Variants in MAP3K12 observed in about 807,000 individuals in gnomAD.
The protein encoded by MAP3K12 is mitogen-activated protein kinase kinase kinase 12.
A neutral mutation model predicts 87.5 loss-of-function variants in MAP3K12; 14 were observed. The observed-to-expected ratio is 0.16, with a 90% CI of 0.11 to 0.25. The LOEUF is 0.25. MAP3K12 is among the 10% of genes least tolerant of loss of function. The pLI is 1.00. For missense variants in MAP3K12, 802 were observed against 1,140.4 expected (o/e 0.70, Z 4.27); for synonymous variants, 469 against 452.5 (o/e 1.04, Z -0.46).
At chr12:53,485,667 T>C (rs879370420) in intron 4 of MAP3K12, 192 bp from the exon 5 acceptor site, 17 of 619,366 alleles carry the variant, frequency 2.7e-5, no homozygotes, top group Non-Finnish European at 4.2e-5. Context: ...GTGATTCTCC[T>C]GCCTCAGCCT....
chr12:53,483,838 G>C, intron 8 of MAP3K12, 73 bp downstream of exon 8: 1 of 1,610,506 alleles, frequency 6.2e-7, no homozygotes. Flanking sequence ...CCCGCCCTGG[G>C]GCTGGGTAGG....
intron 6 of MAP3K12, chr12:53,484,767 TTGG>T (rs1452798093): frequency 2.0e-6 from 1 of 493,372 alleles, no homozygotes; most frequent in Non-Finnish European, 3.6e-6. Flanking sequence ...CCAACCATGC[TTGG>T]TGGTTATGCT....
At chr12:53,489,048 C>T (rs1592716473) in intron 1 of MAP3K12, among the ~76,000 whole-genome samples, 1 of 144,048 alleles carries the variant, frequency 6.9e-6, no homozygotes, top group East Asian at 2.0e-4. Context: ...CACTGCACTC[C>T]AGCCTTGGGC....
chr12:53,494,539 GTAAACTCTC>G (rs1338449114), intron 1 of MAP3K12, among the ~76,000 whole-genome samples: 6 of 152,162 alleles, frequency 3.9e-5, no homozygotes, highest in Admixed American at 6.5e-5. Flanking sequence ...CCTGTGGCAG[GTAAACTCTC>G]TGAATTCTCT....
intron 12 of MAP3K12, 37 bp from the exon 13 acceptor site, chr12:53,482,248 C>G: frequency 4.3e-6 from 7 of 1,614,186 alleles, no homozygotes; most frequent in Non-Finnish European, 5.9e-6. Flanking sequence ...CTTGGTTCTG[C>G]CCCTAGCAGA....
chr12:53,482,717 C>A lies in MAP3K12; in HGVS notation c.2086G>T (p.Gly696Trp). The change falls in exon 11 of 14, where the codon GGG becomes TGG. Residue 696 changes from glycine (G) to tryptophan (W), a missense_variant. By Grantham distance (184) the Gly-to-Trp change is radical. Transcript: ENST00000547488. ...TSPDSPGGAKGEPPPPVGPGE... is the reference protein window; with the variant it reads ...TSPDSPGGAKWEPPPPVGPGE... ...GGCCCTACTGGAGGAGGTGGTTCCC[C>A]TTTGGCTCCCCCAGGTGAATCTGGG... 2 of 1,614,062 alleles carry A rather than the reference C, an allele frequency of 1.2e-6. No individual in the cohort carries two copies. The highest frequency in any genetic ancestry group is 1.7e-6 in the Non-Finnish European group (2 of 1,180,016).
rs1246458062 is a variant in MAP3K12, at chr12:53,482,778, G to C, written c.2025C>G (p.Thr675=). Residue 675 remains threonine (T), a synonymous_variant, in exon 11 of 14, where the codon ACC becomes ACG. Transcript: ENST00000547488. ...CAGGGGCTGAGCCCTCACTTGGTGG[G>C]GTGTCACCCCGGGCCGGAGGTGGTG... The part of the protein sequence containing the change: ...PGSPPPARGD[T]PPSEGSAPGS... 8.7e-6 allele frequency: 14 copies of C among 1,613,304 alleles called. No homozygotes were observed. The highest frequency in any genetic ancestry group is 1.3e-5 in the African/African-American group (1 of 74,930).
At position 53,486,127 on chromosome 12, in the gene MAP3K12, G is replaced by A; in HGVS notation, c.750C>T (p.Ser250=). The A allele has an allele frequency of 6.2e-7, 1 of 1,614,156 alleles. No individual in the cohort carries two copies. Among genetic ancestry groups the A allele is most frequent in the Non-Finnish European group, 8.5e-7 (1 of 1,180,000 alleles). ...AGTTCATGCCACCAGCGATGCCCATGGACCAGTCAACCAGTAAGGAGGGGG... is the reference window on the plus strand; with the variant it reads ...AGTTCATGCCACCAGCGATGCCCATAGACCAGTCAACCAGTAAGGAGGGGG... The part of the protein sequence containing the change: ...PVTPSLLVDW[S]MGIAGGMNYL... The change falls in exon 4 of 14, where the codon TCC becomes TCT. Residue 250 remains serine (S), a synonymous_variant. Coordinates refer to ENST00000547488, the MANE Select transcript of MAP3K12 (RefSeq NM_001193511.2). The surrounding 1 kb of genome is among the most constrained non-coding windows in gnomAD (Gnocchi z 4.9).
intron 1 of MAP3K12, among the ~76,000 whole-genome samples, chr12:53,489,641 T>C (rs1232006551): frequency 2.6e-5 from 4 of 152,192 alleles, no homozygotes; most frequent in Non-Finnish European, 4.4e-5. Context: ...CTGGAAATGA[T>C]TGCCATACAT....
At chr12:53,489,321 A>AAAAC (rs201902532) in intron 1 of MAP3K12, among the ~76,000 whole-genome samples, 1,876 of 152,214 alleles carry the variant, frequency 0.012, 29 homozygotes, top group African/African-American at 0.043. Flanking sequence ...CCCGTCTCAA[A>AAAAC]AAACAAACAA....
intron 1 of MAP3K12, among the ~76,000 whole-genome samples, chr12:53,495,198 G>A (rs1487921651): frequency 1.3e-5 from 2 of 151,540 alleles, no homozygotes; most frequent in Non-Finnish European, 2.9e-5. Context: ...AATTAGCTGG[G>A]CGTGGTGGCG....
Position 53,481,241 on chromosome 12 carries a change from C to T in MAP3K12, c.2620G>A (p.Glu874Lys). The T allele has an allele frequency of 1.3e-6, 2 of 1,567,406 alleles. No individual in the cohort carries two copies. The highest frequency in any genetic ancestry group is 2.4e-5 in the East Asian group (1 of 40,870). The change falls in exon 14 of 14, where the codon GAA becomes AAA. Residue 874 changes from glutamate (E) to lysine (K), a missense_variant. Coordinates refer to ENST00000547488, the MANE Select transcript of MAP3K12 (RefSeq NM_001193511.2). Reference protein sequence around the residue: ...NSEDSDCDSTELDNSNSVDAL... With the variant: ...NSEDSDCDSTKLDNSNSVDAL... ...TCAACGCTGTTGGAGTTGTCCAATT[C>T]AGTGCTGTCACAGTCTGAGTCCTCA...
At chr12:53,494,169 C>T (rs756464054) in intron 1 of MAP3K12, among the ~76,000 whole-genome samples, 1 of 152,190 alleles carries the variant, frequency 6.6e-6, no homozygotes, top group Non-Finnish European at 1.5e-5. Context: ...GCTAGGAGCC[C>T]CTGGCCCAGA....
intron 1 of MAP3K12, among the ~76,000 whole-genome samples, chr12:53,498,104 T>C (rs1429347161): frequency 6.6e-6 from 1 of 152,120 alleles, no homozygotes; most frequent in Admixed American, 6.5e-5. Flanking sequence ...ATTACCCCAG[T>C]TGACAATGGG....
intron 1 of MAP3K12, among the ~76,000 whole-genome samples, chr12:53,488,432 C>T (rs34614022): frequency 0.077 from 11,754 of 152,162 alleles, 572 homozygotes; most frequent in Non-Finnish European, 0.11. Context: ...GAGGCCGAGG[C>T]GGGCGGATCA....
chr12:53,491,813 C>T (rs551078112), intron 1 of MAP3K12, among the ~76,000 whole-genome samples: 2 of 151,420 alleles, frequency 1.3e-5, no homozygotes, highest in East Asian at 4.0e-4. Context: ...GTGGCTCACG[C>T]CTGTAATCCC....
chr12:53,501,342 C>T (rs1397736004), upstream of MAP3K12: 21 of 1,536,648 alleles, frequency 1.4e-5, no homozygotes, highest in Admixed American at 2.0e-5. Context: ...GGCCCTAGCT[C>T]GTCGGCTGTG....
At chr12:53,491,546 G>T (rs1943406060) in intron 1 of MAP3K12, among the ~76,000 whole-genome samples, 1 of 149,020 alleles carries the variant, frequency 6.7e-6, no homozygotes, top group Admixed American at 6.7e-5. Flanking sequence ...CCATTCTCCT[G>T]CCTCGGCCTC....
chr12:53,501,529 G>T (rs1275198840), upstream of MAP3K12: 15 of 1,547,340 alleles, frequency 9.7e-6, no homozygotes, highest in South Asian at 2.4e-5. Flanking sequence ...GTAGCGGCGC[G>T]GCCCCAGCAT....
Sources: allele counts gnomAD v4.1 joint callset (sites outside exome capture counted in the v4.1 genomes callset), GRCh38; gene constraint gnomAD v4.1.1; non-coding constraint Gnocchi (gnomAD v3.1); transcripts MANE v1.5; gene names NCBI Gene and HGNC (gene_info 2026-07-23, HGNC 2026-07-21).